Variants in NRP1 observed in about 807,000 individuals in gnomAD.
NRP1 encodes the protein neuropilin 1.
A neutral mutation model predicts 106.7 loss-of-function variants in NRP1; 35 were observed. The ratio of observed to expected loss-of-function variants is 0.33; its 90% CI spans 0.25 to 0.43. The LOEUF is 0.43. Ranked by LOEUF, NRP1 falls within the 20% of genes least tolerant of loss-of-function variation. The probability of loss-of-function intolerance (pLI) is 1.00; values close to 1 mark genes in which losing one functional copy is unlikely to be tolerated. For missense variants in NRP1, 1,024 were observed against 1,170.4 expected (o/e 0.87, Z 1.83); for synonymous variants, 437 against 417.9 (o/e 1.05, Z -0.56).
At chr10:33,215,033 A>G (rs1838644720) in intron 8 of NRP1, among the ~76,000 whole-genome samples, 1 of 152,254 alleles carries the variant, frequency 6.6e-6, no homozygotes, top group African/African-American at 2.4e-5. Context: ...TACCCCGACA[A>G]TAGAAAAGAG....
At chr10:33,243,830 A>G (rs1841207399) in intron 6 of NRP1, among the ~76,000 whole-genome samples, 2 of 151,192 alleles carry the variant, frequency 1.3e-5, no homozygotes, top group Admixed American at 1.3e-4. Flanking sequence ...TTAAAATTTA[A>G]TCTACTTTCC....
chr10:33,302,073 C>T (rs566181111), intron 2 of NRP1, among the ~76,000 whole-genome samples: 9 of 152,170 alleles, frequency 5.9e-5, no homozygotes, highest in Non-Finnish European at 1.0e-4. Context: ...CTACTTAGTA[C>T]AGAGTCTCTG....
At chr10:33,205,209 C>T (rs1261589987) in intron 10 of NRP1, among the ~76,000 whole-genome samples, 1 of 152,182 alleles carries the variant, frequency 6.6e-6, no homozygotes, top group African/African-American at 2.4e-5. Context: ...GAAAAGCATT[C>T]CTTTTCACCA....
rs551726993 is a variant in NRP1, at chr10:33,202,753, G to A, written c.1864+138C>T. 89 of 1,569,182 alleles carry A rather than the reference G, an allele frequency of 5.7e-5. No individual in the cohort carries two copies. The highest frequency in any genetic ancestry group is 7.0e-5 in the Non-Finnish European group (81 of 1,155,466). ...ATGACATGAGGAAATGAAGATGCAC[G>A]TGTTCTGGCAAGGCAGCTTCTATTC... is the stretch of plus-strand genomic sequence containing the variant. On this transcript the variant is annotated intron_variant, in intron 11 of 16. Coordinates refer to ENST00000374867, the MANE Select transcript of NRP1 (RefSeq NM_003873.7).
At chr10:33,332,532 A>G (rs1322239510) in intron 1 of NRP1, among the ~76,000 whole-genome samples, 2 of 152,212 alleles carry the variant, frequency 1.3e-5, no homozygotes, top group Non-Finnish European at 2.9e-5. Flanking sequence ...TGGACTTGGT[A>G]CCACACCAGA....
chr10:33,280,007 G>A (rs1952983), intron 2 of NRP1, among the ~76,000 whole-genome samples: 1 of 151,924 alleles, frequency 6.6e-6, no homozygotes, highest in Non-Finnish European at 1.5e-5. Flanking sequence ...AAAACCAGAA[G>A]CTCCAAGATT....
chr10:33,263,188 T>G (rs1267379909), intron 4 of NRP1, among the ~76,000 whole-genome samples: 1 of 152,218 alleles, frequency 6.6e-6, no homozygotes, highest in East Asian at 1.9e-4. Flanking sequence ...ATGCATAGTT[T>G]AGCCTTAAAA....
At chr10:33,226,324 T>A in intron 6 of NRP1, 35 bp from the exon 7 acceptor site, 1 of 1,611,722 alleles carries the variant, frequency 6.2e-7, no homozygotes, top group South Asian at 1.1e-5. Context: ...CAGTGCACCA[T>A]CCCTGCAGCA....
chr10:33,228,307 C>T (rs999564179), intron 6 of NRP1, among the ~76,000 whole-genome samples: 4 of 152,020 alleles, frequency 2.6e-5, no homozygotes, highest in Non-Finnish European at 4.4e-5. Flanking sequence ...TGGAGGCAGA[C>T]GCCGCAGTGA....
chr10:33,208,279 C>G (rs1837981632), intron 9 of NRP1, among the ~76,000 whole-genome samples: 1 of 152,140 alleles, frequency 6.6e-6, no homozygotes, highest in African/African-American at 2.4e-5. Flanking sequence ...TCTCAAGCAC[C>G]TGGCTGCAAA....
At position 33,186,252 on chromosome 10, in the gene NRP1, G is replaced by A. The variant is rs924149280; in HGVS notation, c.2299C>T (p.Arg767Cys). ...GHQGDHWKEG[R>C]VLLHKSLKLY... The stretch of plus-strand genomic sequence containing the variant: ...TTCAGAGACTTGTGGAGCAAGACAC[G>A]CCCTTCCTTCCAGTGGTCACCTTGG... The change falls in exon 14 of 17, where the codon CGT becomes TGT. Residue 767 changes from arginine to cysteine, a missense_variant. By Grantham distance (180) the Arg-to-Cys change is radical. This residue lies in a region of NRP1 where 13 missense variants were observed against 34.7 expected (regional missense o/e 0.38). Coordinates refer to ENST00000374867, the MANE Select transcript of NRP1 (RefSeq NM_003873.7). 3.1e-6 allele frequency: 5 copies of A among 1,612,386 alleles called. No homozygotes were observed. Among genetic ancestry groups the A allele is most frequent in the Non-Finnish European group, 4.2e-6 (5 of 1,178,892 alleles).
chr10:33,181,706 A>C (rs531474183), intron 16 of NRP1, among the ~76,000 whole-genome samples: 4 of 152,354 alleles, frequency 2.6e-5, no homozygotes, highest in Admixed American at 2.6e-4. Context: ...CTAAAGTGTG[A>C]GGCTACCACC....
At chr10:33,186,784 G>A (rs1467767794) in intron 13 of NRP1, among the ~76,000 whole-genome samples, 1 of 152,178 alleles carries the variant, frequency 6.6e-6, no homozygotes, top group Non-Finnish European at 1.5e-5. Flanking sequence ...GCTGGCATTT[G>A]CACCATCACA....
intron 13 of NRP1, among the ~76,000 whole-genome samples, chr10:33,186,908 G>C (rs897422429): frequency 2.0e-4 from 31 of 152,164 alleles, no homozygotes; most frequent in African/African-American, 6.7e-4. Context: ...CCCAGGTTGG[G>C]ATGCAGTGGT....
intron 9 of NRP1, chr10:33,212,675 A>T (rs1041343537): frequency 3.4e-5 from 5 of 145,358 alleles, no homozygotes; most frequent in African/African-American, 1.3e-4. Flanking sequence ...TATCACAATT[A>T]ATTTTTTTTT....
intron 6 of NRP1, among the ~76,000 whole-genome samples, chr10:33,229,490 TA>T (rs1345576691): frequency 2.6e-5 from 4 of 152,202 alleles, no homozygotes; most frequent in Admixed American, 2.6e-4. Context: ...GCTATTTAAA[TA>T]AACTCTTCCT....
intron 9 of NRP1, among the ~76,000 whole-genome samples, chr10:33,208,677 A>G (rs1436554799): frequency 1.3e-5 from 2 of 152,164 alleles, no homozygotes; most frequent in Non-Finnish European, 2.9e-5. Context: ...ACATTGCATG[A>G]TGTTTGATAG....
intron 13 of NRP1, 95 bp from the exon 14 acceptor site, chr10:33,186,583 G>T: frequency 7.0e-7 from 1 of 1,432,298 alleles, no homozygotes; most frequent in Non-Finnish European, 9.4e-7. Context: ...AGCTTCCTGC[G>T]CTGAGCACCA....
At chr10:33,197,522 G>A in intron 12 of NRP1, 128 bp downstream of exon 12, 1 of 575,456 alleles carries the variant, frequency 1.7e-6, no homozygotes, top group East Asian at 3.2e-5. Flanking sequence ...TATGGCTCAT[G>A]CTTGGAGACC....
Sources: gnomAD v4.1 joint callset for allele counts (sites outside exome capture counted in the v4.1 genomes callset) on GRCh38, gnomAD v4.1.1 for gene constraint, gnomAD v4.1.1 regional missense constraint, MANE v1.5 for transcripts, NCBI Gene and HGNC (gene_info 2026-07-23, HGNC 2026-07-21) for gene names.